SRD5A2: variants seen among roughly 807,000 people sequenced by gnomAD.
The protein encoded by SRD5A2 is 3-oxo-5-alpha-steroid 4-dehydrogenase 2.
A neutral mutation model predicts 27.4 loss-of-function variants in SRD5A2; 30 were observed. The observed-to-expected ratio is 1.10, with a 90% CI of 0.82 to 1.49. The LOEUF is 1.49. SRD5A2 is among the 40% of genes most tolerant of loss of function. The pLI, the probability that SRD5A2 is intolerant of heterozygous loss-of-function variation, is 0.00. For missense variants in SRD5A2, 348 were observed against 323.4 expected (o/e 1.08, Z -0.58); for synonymous variants, 141 against 133.6 (o/e 1.06, Z -0.38).
At chr2:31,577,615 T>G (rs1205943919) in intron 1 of SRD5A2, among the ~76,000 whole-genome samples, 3 of 152,208 alleles carry the variant, frequency 2.0e-5, no homozygotes, top group African/African-American at 7.2e-5. Flanking sequence ...CAGTCCCCAA[T>G]GGACATTTTG....
the SRD5A2 span, among the ~76,000 whole-genome samples, chr2:31,598,507 AAAG>A: frequency 2.0e-5 from 3 of 152,022 alleles, no homozygotes; most frequent in African/African-American, 7.2e-5. Context: ...AAACAAAAAA[AAAG>A]AAGGGGGAAA....
the SRD5A2 span, among the ~76,000 whole-genome samples, chr2:31,660,419 G>T: frequency 0.015 from 2,335 of 151,994 alleles, 36 homozygotes; most frequent in South Asian, 0.029. Flanking sequence ...ACACCTCTAG[G>T]GATACAAAAA....
chr2:31,647,918 G>A, the SRD5A2 span, among the ~76,000 whole-genome samples: 157 of 152,246 alleles, frequency 1.0e-3, 1 homozygote, highest in African/African-American at 3.5e-3. Context: ...TATGAAAACT[G>A]TTTCTATCAT....
At chr2:31,641,030 C>A in the SRD5A2 span, among the ~76,000 whole-genome samples, 3 of 152,246 alleles carry the variant, frequency 2.0e-5, no homozygotes, top group Admixed American at 6.5e-5. Flanking sequence ...TCTTATTATT[C>A]TCCTCCCATC....
In SRD5A2 at chr2:31,533,592, G is replaced by T; in HGVS notation, c.445+11C>A. 3 of 1,550,778 alleles carry T rather than the reference G, an allele frequency of 1.9e-6. No homozygotes were observed. The highest frequency in any genetic ancestry group is 2.6e-6 in the Non-Finnish European group (3 of 1,146,444). ...CTGGGAAGTAGGTGAGAAGTGGGCA[G>T]ATTCACTTACCCAAGCTAAACCGTA... On this transcript the variant is annotated intron_variant, in intron 2 of 4. Transcript: ENST00000622030.
the SRD5A2 span, among the ~76,000 whole-genome samples, chr2:31,590,520 A>T: frequency 6.6e-6 from 1 of 152,136 alleles, no homozygotes; most frequent in Non-Finnish European, 1.5e-5. Context: ...TAATTTATAG[A>T]TTCAATGCCA....
the SRD5A2 span, among the ~76,000 whole-genome samples, chr2:31,589,973 TG>T: frequency 6.6e-6 from 1 of 151,962 alleles, no homozygotes; most frequent in Non-Finnish European, 1.5e-5. Context: ...GAGAGCTGAG[TG>T]AGGCCCGTCA....
chr2:31,637,068 T>C, the SRD5A2 span, among the ~76,000 whole-genome samples: 2 of 152,140 alleles, frequency 1.3e-5, no homozygotes, highest in Non-Finnish European at 2.9e-5. Flanking sequence ...CTTTAAATGT[T>C]TGGTAAAATT....
intron 1 of SRD5A2, among the ~76,000 whole-genome samples, chr2:31,536,865 TTTAA>T (rs1424291423): frequency 1.3e-5 from 2 of 152,192 alleles, no homozygotes; most frequent in Non-Finnish European, 2.9e-5. Flanking sequence ...ACCACATCAC[TTTAA>T]TTACCTCCTA....
the SRD5A2 span, among the ~76,000 whole-genome samples, chr2:31,599,901 T>C: frequency 6.6e-6 from 1 of 151,878 alleles, no homozygotes; most frequent in Admixed American, 6.6e-5. Flanking sequence ...TCTTATCCTG[T>C]GGGTTTGTTG....
At chr2:31,632,082 G>A in the SRD5A2 span, among the ~76,000 whole-genome samples, 4 of 151,878 alleles carry the variant, frequency 2.6e-5, no homozygotes, top group Admixed American at 1.3e-4. Context: ...TAAAGGATAA[G>A]TTTATCACTC....
Position 31,533,777 on chromosome 2 carries a change from C to T in SRD5A2, c.282-11G>A, listed in dbSNP as rs1218874300. On this transcript the variant is annotated splice_polypyrimidine_tract_variant and intron_variant, in intron 1 of 4. Transcript: ENST00000622030. Reference sequence around the variant, plus strand: ...GAGTACACAAATGTCCTGGGACACACAGGGAGGAAAGGTTAGGATTCACTG... The same window carrying T: ...GAGTACACAAATGTCCTGGGACACATAGGGAGGAAAGGTTAGGATTCACTG... The T allele has an allele frequency of 1.3e-6, 2 of 1,598,976 alleles. No homozygotes were observed. Among genetic ancestry groups the T allele is most frequent in the South Asian group, 1.1e-5 (1 of 87,642 alleles).
chr2:31,539,865 C>T (rs925786871), intron 1 of SRD5A2, among the ~76,000 whole-genome samples: 5 of 152,128 alleles, frequency 3.3e-5, no homozygotes, highest in Admixed American at 3.3e-4. Context: ...ACAAAAGTAA[C>T]AAGGAGCCTC....
intron 1 of SRD5A2, among the ~76,000 whole-genome samples, chr2:31,565,735 A>T (rs1176650713): frequency 6.6e-6 from 1 of 152,040 alleles, no homozygotes; most frequent in Non-Finnish European, 1.5e-5. Context: ...GCTGTAAGAA[A>T]AAAAAGCAAG....
At chr2:31,638,930 G>C in the SRD5A2 span, among the ~76,000 whole-genome samples, 5 of 152,068 alleles carry the variant, frequency 3.3e-5, no homozygotes, top group African/African-American at 1.2e-4. Flanking sequence ...CTATTGATAA[G>C]TAAGGTCTTA....
At chr2:31,636,619 T>C in the SRD5A2 span, among the ~76,000 whole-genome samples, 8 of 152,208 alleles carry the variant, frequency 5.3e-5, no homozygotes, top group Middle Eastern at 3.4e-3. Context: ...GGGTTTGTCA[T>C]ATGTGGCCTT....
At chr2:31,602,575 A>G in the SRD5A2 span, among the ~76,000 whole-genome samples, 4 of 152,046 alleles carry the variant, frequency 2.6e-5, no homozygotes, top group Non-Finnish European at 5.9e-5. Flanking sequence ...TTCATATGGA[A>G]CCAAAAAAGA....
At chr2:31,634,931 T>C in the SRD5A2 span, among the ~76,000 whole-genome samples, 1 of 152,316 alleles carries the variant, frequency 6.6e-6, no homozygotes, top group East Asian at 1.9e-4. Flanking sequence ...GATTCACTCA[T>C]TCATTGATGG....
At chr2:31,610,100 G>C in the SRD5A2 span, among the ~76,000 whole-genome samples, 1 of 152,006 alleles carries the variant, frequency 6.6e-6, no homozygotes, top group South Asian at 2.1e-4. Flanking sequence ...ATTTCAAGAA[G>C]AACTAATACC....
Sources: gnomAD v4.1 joint callset for allele counts (sites outside exome capture counted in the v4.1 genomes callset) on GRCh38, gnomAD v4.1.1 for gene constraint, MANE v1.5 for transcripts, NCBI Gene and HGNC (gene_info 2026-07-23, HGNC 2026-07-21) for gene names.